Variants in HEMK2 observed in about 807,000 individuals in gnomAD.
HEMK2 encodes the protein HemK methyltransferase 2, ETF1 glutamine and histone H4 lysine.
the HEMK2 span, among the ~76,000 whole-genome samples, chr21:28,677,465 C>G: frequency 5.3e-5 from 8 of 152,238 alleles, no homozygotes; most frequent in Admixed American, 3.9e-4. Flanking sequence ...GACTCCACCT[C>G]TGGGGGCAGG....
chr21:28,846,288 A>T, the HEMK2 span, among the ~76,000 whole-genome samples: 5 of 152,130 alleles, frequency 3.3e-5, no homozygotes, highest in Non-Finnish European at 7.3e-5. Flanking sequence ...GGTAGAAATG[A>T]TTTCTATTCC....
the HEMK2 span, among the ~76,000 whole-genome samples, chr21:28,704,036 A>G: frequency 6.6e-6 from 1 of 152,200 alleles, no homozygotes; most frequent in Admixed American, 6.6e-5. Flanking sequence ...ATTAGCATTG[A>G]AACACTATCC....
the HEMK2 span, among the ~76,000 whole-genome samples, chr21:28,767,773 A>G: frequency 6.6e-6 from 1 of 151,946 alleles, no homozygotes; most frequent in Non-Finnish European, 1.5e-5. Context: ...CTCAGGAGTG[A>G]CTTCTTTCCT....
chr21:28,601,148 C>T, the HEMK2 span, among the ~76,000 whole-genome samples: 1 of 152,172 alleles, frequency 6.6e-6, no homozygotes, highest in Non-Finnish European at 1.5e-5. Context: ...TTTTCCTCAT[C>T]CTCATGCTCC....
At chr21:28,784,180 G>A in the HEMK2 span, among the ~76,000 whole-genome samples, 170 of 152,358 alleles carry the variant, frequency 1.1e-3, 1 homozygote, top group Non-Finnish European at 2.0e-3. Flanking sequence ...TCTGCCTGCG[G>A]CCCCGGTGTA....
chr21:28,878,349 A>C, the HEMK2 span: 1 of 1,611,612 alleles, frequency 6.2e-7, no homozygotes, highest in Non-Finnish European at 8.5e-7. Context: ...AACAATTAGA[A>C]AGAATGTTTT....
the HEMK2 span, among the ~76,000 whole-genome samples, chr21:28,594,511 A>T: frequency 6.6e-6 from 1 of 152,206 alleles, no homozygotes; most frequent in Non-Finnish European, 1.5e-5. Flanking sequence ...ATTAATTTTT[A>T]TAAAAGCAGT....
the HEMK2 span, among the ~76,000 whole-genome samples, chr21:28,756,264 T>TA: frequency 6.6e-6 from 1 of 152,322 alleles, no homozygotes; most frequent in Non-Finnish European, 1.5e-5. Context: ...CACTGATGGC[T>TA]AAACCACTTA....
the HEMK2 span, among the ~76,000 whole-genome samples, chr21:28,665,980 T>C: frequency 6.6e-6 from 1 of 152,256 alleles, no homozygotes; most frequent in Non-Finnish European, 1.5e-5. Context: ...AATAAACTTA[T>C]AAATCTGAGG....
At chr21:28,576,097 A>G in the HEMK2 span, among the ~76,000 whole-genome samples, 8 of 152,206 alleles carry the variant, frequency 5.3e-5, no homozygotes, top group Non-Finnish European at 8.8e-5. Context: ...TTGCTCTAAT[A>G]TAAGTACGTA....
the HEMK2 span, among the ~76,000 whole-genome samples, chr21:28,761,472 A>G: frequency 6.6e-6 from 1 of 152,080 alleles, no homozygotes; most frequent in Non-Finnish European, 1.5e-5. Flanking sequence ...GAGGCATCTC[A>G]TTGTATCATA....
chr21:28,661,279 G>A, the HEMK2 span, among the ~76,000 whole-genome samples: 1 of 151,762 alleles, frequency 6.6e-6, no homozygotes, highest in Non-Finnish European at 1.5e-5. Flanking sequence ...AACTTCTTGA[G>A]CTGGACACAT....
At chr21:28,753,729 T>G in the HEMK2 span, among the ~76,000 whole-genome samples, 1 of 152,196 alleles carries the variant, frequency 6.6e-6, no homozygotes, top group African/African-American at 2.4e-5. Context: ...AACAGCACTA[T>G]TTCGGAAAAA....
the HEMK2 span, among the ~76,000 whole-genome samples, chr21:28,615,194 TC>T: frequency 6.6e-6 from 1 of 152,156 alleles, no homozygotes; most frequent in Non-Finnish European, 1.5e-5. Flanking sequence ...GATCTGTAGT[TC>T]ATGACCCTGA....
chr21:28,614,789 G>C, the HEMK2 span, among the ~76,000 whole-genome samples: 1 of 152,200 alleles, frequency 6.6e-6, no homozygotes, highest in Non-Finnish European at 1.5e-5. Context: ...ATATGGCACA[G>C]GCTCACCTAG....
At chr21:28,880,678 G>A in the HEMK2 span, among the ~76,000 whole-genome samples, 6 of 151,646 alleles carry the variant, frequency 4.0e-5, no homozygotes, top group Admixed American at 2.6e-4. Flanking sequence ...AGAAGGCGGA[G>A]TCTGCAGTGA....
chr21:28,824,758 A>G, the HEMK2 span, among the ~76,000 whole-genome samples: 1 of 152,210 alleles, frequency 6.6e-6, no homozygotes, highest in African/African-American at 2.4e-5. Flanking sequence ...CATAATGGAC[A>G]GTCTTCCTCT....
At chr21:28,643,122 C>G in the HEMK2 span, among the ~76,000 whole-genome samples, 2 of 152,328 alleles carry the variant, frequency 1.3e-5, no homozygotes, top group East Asian at 1.9e-4. Flanking sequence ...GTGTTCCCCA[C>G]AGTCCCCACC....
chr21:28,867,754 C>T, the HEMK2 span, among the ~76,000 whole-genome samples: 1 of 152,176 alleles, frequency 6.6e-6, no homozygotes, highest in Non-Finnish European at 1.5e-5. Flanking sequence ...GATTACATCA[C>T]GTCCAGCCTC....
Sources: gnomAD v4.1 joint callset for allele counts (sites outside exome capture counted in the v4.1 genomes callset) on GRCh38, gnomAD v4.1.1 for gene constraint, MANE v1.5 for transcripts, NCBI Gene and HGNC (gene_info 2026-07-23, HGNC 2026-07-21) for gene names.